Variants in FBXO42 observed in about 807,000 individuals in gnomAD.
FBXO42 encodes the protein F-box protein 42, also known as F-box only protein 42.
FBXO42 carries 12 observed loss-of-function variants against 71.7 expected under a neutral mutation model. That is an observed-to-expected ratio of 0.17 (90% confidence interval 0.11 to 0.27). FBXO42 has a LOEUF of 0.27. FBXO42 is among the 10% of genes least tolerant of loss of function. FBXO42 has a pLI of 1.00. For missense variants in FBXO42, 707 were observed against 911.9 expected, an observed-to-expected ratio of 0.78 and a Z score of 2.89; for synonymous variants, 325 against 327.5, an observed-to-expected ratio of 0.99 and a Z score of 0.08.
At position 16,253,631 on chromosome 1, in the gene FBXO42, G is replaced by A. The variant is rs1431614332; in HGVS notation, c.864+4C>T. On this transcript the variant is annotated splice_donor_region_variant and intron_variant, in intron 7 of 9. Transcript: ENST00000375592. Reference sequence around the variant, plus strand: ...GCTGAATAGTTATTTTAATTCCTGAGCACCTGAGATTGGCCACCTCGAGGA... The same window carrying A: ...GCTGAATAGTTATTTTAATTCCTGAACACCTGAGATTGGCCACCTCGAGGA... 6.2e-7 allele frequency: 1 copy of A among 1,613,700 alleles called. No homozygotes were observed. Among genetic ancestry groups the A allele is most frequent in the African/African-American group, 1.3e-5 (1 of 74,914 alleles).
At chr1:16,350,072 C>T (rs1282904338) in intron 1 of FBXO42, among the ~76,000 whole-genome samples, 2 of 152,070 alleles carry the variant, frequency 1.3e-5, no homozygotes, top group African/African-American at 4.8e-5. Flanking sequence ...CCACATAAAG[C>T]TGTTATTAAA....
chr1:16,320,360 C>T (rs377160714), intron 1 of FBXO42, among the ~76,000 whole-genome samples: 2 of 113,486 alleles, frequency 1.8e-5, no homozygotes, highest in Non-Finnish European at 3.4e-5. Context: ...AACTCCATGT[C>T]AAAAAAAAAA....
At chr1:16,348,679 C>T (rs1275232105) in intron 1 of FBXO42, among the ~76,000 whole-genome samples, 1 of 151,696 alleles carries the variant, frequency 6.6e-6, no homozygotes, top group African/African-American at 2.4e-5. Flanking sequence ...CCAGCCTAGG[C>T]GATAGAGCAA....
intron 4 of FBXO42, among the ~76,000 whole-genome samples, chr1:16,262,675 T>G (rs1288905685): frequency 2.6e-5 from 4 of 152,082 alleles, no homozygotes; most frequent in African/African-American, 4.8e-5. Flanking sequence ...TGGTCAGAGA[T>G]TACGCGGATC....
intron 1 of FBXO42, among the ~76,000 whole-genome samples, chr1:16,341,162 A>AG (rs1259503433): frequency 1.3e-5 from 2 of 152,216 alleles, no homozygotes; most frequent in African/African-American, 2.4e-5. Context: ...TTTGCATAAG[A>AG]GAAAAAAAGA....
In FBXO42 at chr1:16,305,850, C is replaced by T. The variant is rs1029203720; in HGVS notation, c.320G>A (p.Arg107His). The T allele has an allele frequency of 6.2e-6, 10 of 1,614,114 alleles. No homozygotes were observed. Among genetic ancestry groups the T allele is most frequent in the East Asian group, 2.2e-5 (1 of 44,870 alleles). ...TGGGGTTCCAGGATAAGGATAGGTACGGCTCTCCCACTGAATGTTTCCTTC... is the reference window on the plus strand; with the variant it reads ...TGGGGTTCCAGGATAAGGATAGGTATGGCTCTCCCACTGAATGTTTCCTTC... ...VQEGNIQWES[R>H]TYPYPGTPIT... The change falls in exon 3 of 10, where the codon CGT (arginine) becomes CAT (histidine). Residue 107 changes from arginine to histidine, a missense_variant. Around this residue, in one of 5 missense-constraint regions of FBXO42, gnomAD observed 188 missense variants for 230.5 expected, o/e 0.82. Transcript: ENST00000375592.
intron 1 of FBXO42, among the ~76,000 whole-genome samples, 191 bp downstream of exon 1, chr1:16,352,064 G>A (rs899102606): frequency 1.3e-5 from 2 of 152,158 alleles, no homozygotes; most frequent in Admixed American, 1.3e-4. Flanking sequence ...GGCTGGAAAG[G>A]AGCTGTCCTC....
In FBXO42 at chr1:16,248,755, G is replaced by C. The variant is rs2081560209; in HGVS notation, c.*1915C>G. ...CAGCACCAGAGCCTGAGTCGCGAAAGGGAAGTGTGGAGCTCCAAGCAGTTG... is the reference window on the plus strand; with the variant it reads ...CAGCACCAGAGCCTGAGTCGCGAAACGGAAGTGTGGAGCTCCAAGCAGTTG... On this transcript the variant is annotated 3_prime_UTR_variant, in exon 10 of 10. Transcript: ENST00000375592. 1 of 152,246 alleles carries C rather than the reference G, an allele frequency of 6.6e-6. No homozygotes were observed. The highest frequency in any genetic ancestry group is 1.5e-5 in the Non-Finnish European group (1 of 68,062). The allele number at this position is 152,246 out of a possible 1,614,324, so 9.4% of individuals were successfully genotyped here. A position where few individuals can be genotyped will look rare whatever the true frequency, so the allele number is the denominator to read the frequency against.
At position 16,352,409 on chromosome 1, in the gene FBXO42, C is replaced by A. The variant is rs994757031; in HGVS notation, c.-172G>T. On this transcript the variant is annotated 5_prime_UTR_variant, in exon 1 of 10. Transcript: ENST00000375592. ...GGCGGGACCCCGAGCCGCCCGGAGC[C>A]GCCATCTTCCTCCACTCAAACGCCG... is the stretch of plus-strand genomic sequence containing the variant. 1.1e-4 allele frequency: 45 copies of A among 399,180 alleles called. No homozygotes were observed. Among genetic ancestry groups the A allele is most frequent in the Non-Finnish European group, 1.8e-4 (41 of 226,926 alleles). 24.7% of individuals were successfully genotyped at this position (399,180 alleles called of 1,614,324 possible). A position where few individuals can be genotyped will look rare whatever the true frequency, so the allele number is the denominator to read the frequency against.
chr1:16,271,258 GGTGTGTGTGTGTGTGTGT>G (rs57827739), intron 4 of FBXO42, among the ~76,000 whole-genome samples: 7 of 137,506 alleles, frequency 5.1e-5, no homozygotes, highest in East Asian at 2.3e-4. Flanking sequence ...TGTGTGTGTT[GGTGTGTGTGTGTGTGTGT>G]GTGTGTGTGT....
At chr1:16,340,834 G>GA (rs2082597562) in intron 1 of FBXO42, among the ~76,000 whole-genome samples, 1 of 152,160 alleles carries the variant, frequency 6.6e-6, no homozygotes, top group Non-Finnish European at 1.5e-5. Flanking sequence ...CACAAATGAG[G>GA]AAAGTGAGGT....
chr1:16,253,700 G>A lies in FBXO42; in HGVS notation c.799C>T (p.Gln267Ter), dbSNP rs1172528448. 2 of 1,614,198 alleles carry A rather than the reference G, an allele frequency of 1.2e-6. No individual in the cohort carries two copies. The highest frequency in any genetic ancestry group is 1.7e-6 in the Non-Finnish European group (2 of 1,180,030). ...ATGTTCGGCTTGGACCACGCCCACT[G>A]CTCAAGGTCAAGGACCCAGACATCA... Reference protein sequence around the residue: ...SNDVWVLDLEQWAWSKPNISG... With the variant: ...SNDVWVLDLE Residue 267 changes from glutamine (Q) to a stop codon, truncating the protein, a stop_gained, in exon 7 of 10, where the codon CAG (glutamine) becomes TAG (stop). Transcript: ENST00000375592. LOFTEE classifies it high-confidence loss of function.
chr1:16,326,352 A>G (rs987590521), intron 1 of FBXO42, among the ~76,000 whole-genome samples: 9 of 150,306 alleles, frequency 6.0e-5, no homozygotes, highest in Non-Finnish European at 1.3e-4. Flanking sequence ...CACCGTGCCC[A>G]GCCTCTTTAT....
chr1:16,335,436 G>GA (rs1436038391), intron 1 of FBXO42, among the ~76,000 whole-genome samples: 5 of 152,044 alleles, frequency 3.3e-5, no homozygotes, highest in African/African-American at 1.2e-4. Flanking sequence ...CCATGCCCCC[G>GA]GCTCATATCA....
chr1:16,328,821 C>A (rs1445538704), intron 1 of FBXO42, among the ~76,000 whole-genome samples: 2 of 152,102 alleles, frequency 1.3e-5, no homozygotes, highest in African/African-American at 4.8e-5. Context: ...CCTGGAGAAT[C>A]CAGTACTGCC....
chr1:16,321,103 A>G (rs912907956), intron 1 of FBXO42, among the ~76,000 whole-genome samples: 1 of 152,212 alleles, frequency 6.6e-6, no homozygotes, highest in African/African-American at 2.4e-5. Context: ...TACAATAGCA[A>G]GCCAACATAA....
chr1:16,339,437 C>A (rs945205223), intron 1 of FBXO42, among the ~76,000 whole-genome samples: 7 of 151,968 alleles, frequency 4.6e-5, no homozygotes, highest in African/African-American at 1.7e-4. Context: ...CTCAGCCTCC[C>A]GAGTAGCTGG....
chr1:16,260,838 TAC>T (rs1188140729), intron 4 of FBXO42, among the ~76,000 whole-genome samples: 4 of 152,122 alleles, frequency 2.6e-5, no homozygotes, highest in Non-Finnish European at 4.4e-5. Flanking sequence ...CAGCTAGGAC[TAC>T]AGTCACAGGC....
At chr1:16,323,522 C>T (rs547866652) in intron 1 of FBXO42, among the ~76,000 whole-genome samples, 11 of 151,712 alleles carry the variant, frequency 7.3e-5, no homozygotes, top group South Asian at 2.1e-4. Context: ...CAGGGCCGGG[C>T]GCAGTGGCTC....
Sources: allele counts gnomAD v4.1 joint callset (sites outside exome capture counted in the v4.1 genomes callset), GRCh38; gene constraint gnomAD v4.1.1; regional missense constraint gnomAD v4.1.1; transcripts MANE v1.5; gene names NCBI Gene and HGNC (gene_info 2026-07-23, HGNC 2026-07-21).